The following BRD7 variants were observed in gnomAD, a reference collection of about 807,000 sequenced individuals.
BRD7 encodes bromodomain-containing protein 7.
BRD7 carries 15 observed loss-of-function variants against 82.1 expected under a neutral mutation model. The observed-to-expected ratio is 0.18, with a 90% confidence interval of 0.12 to 0.28. The LOEUF is 0.28. Among genes scored for constraint, BRD7 ranks in the 10% least tolerant of loss-of-function variants. The pLI is 1.00. For missense variants in BRD7, 638 were observed against 779.9 expected (o/e 0.82, Z 2.17); for synonymous variants, 232 against 266.9 (o/e 0.87, Z 1.27).
At chr16:50,346,183 G>T (rs1005642366) in intron 5 of BRD7, among the ~76,000 whole-genome samples, 5 of 152,190 alleles carry the variant, frequency 3.3e-5, no homozygotes, top group African/African-American at 1.2e-4. Context: ...GGTACATAAC[G>T]AAATGAAGGC....
intron 2 of BRD7, 147 bp from the exon 3 acceptor site, chr16:50,355,069 A>G: frequency 1.0e-6 from 1 of 981,288 alleles, no homozygotes; most frequent in Non-Finnish European, 1.5e-6. Flanking sequence ...ATCTACTGGA[A>G]AAGGAGAGAA....
chr16:50,360,349 T>C (rs1597096633), intron 2 of BRD7, among the ~76,000 whole-genome samples: 1 of 152,212 alleles, frequency 6.6e-6, no homozygotes, highest in Non-Finnish European at 1.5e-5. Flanking sequence ...GGAGGATATA[T>C]ACACATACAT....
chr16:50,346,745 T>C (rs951488155), intron 5 of BRD7, among the ~76,000 whole-genome samples: 1 of 152,096 alleles, frequency 6.6e-6, no homozygotes, highest in African/African-American at 2.4e-5. Context: ...AATAGACCAA[T>C]AAGAGGCTCT....
chr16:50,325,802 G>C lies in BRD7; in HGVS notation c.1277C>G (p.Ser426Cys), dbSNP rs1336257609. The C allele has an allele frequency of 2.5e-6, 4 of 1,611,834 alleles. No individual in the cohort carries two copies. The highest frequency in any genetic ancestry group is 3.4e-6 in the Non-Finnish European group (4 of 1,179,334). ...CCCATAGGTTGAATAGATTAAATCA[G>C]AATCATCCTTGCTGATATTTGCAAA... ...STFANISKDD[S>C]DLIYSTYGED... is the part of the protein sequence containing the mutation. Residue 426 changes from serine (S) to cysteine (C), a missense_variant, in exon 11 of 17, where the codon TCT becomes TGT. Around this residue, in one of 3 missense-constraint regions of BRD7, gnomAD observed 402 missense variants for 500.8 expected, o/e 0.80. Transcript: ENST00000394688.
chr16:50,356,159 A>G (rs1367863706), intron 2 of BRD7, among the ~76,000 whole-genome samples: 1 of 152,238 alleles, frequency 6.6e-6, no homozygotes, highest in African/African-American at 2.4e-5. Context: ...TCAAGTTTTG[A>G]TAAAAATGTA....
At chr16:50,325,658 C>T in intron 11 of BRD7, 90 bp downstream of exon 11, 1 of 1,248,130 alleles carries the variant, frequency 8.0e-7, no homozygotes, top group Admixed American at 2.9e-5. Context: ...TTTTTTACTA[C>T]TCGGCCAGCT....
chr16:50,318,250 A>AATT lies in BRD7; in HGVS notation c.*958_*960dup, dbSNP rs1205520698. The stretch of plus-strand genomic sequence containing the variant: ...CATAAGATTTTAAGTCTTTTGAGGG[A>AATT]ATTAATTTTCCTTTACCCTATTTGT... On this transcript the variant is annotated 3_prime_UTR_variant, in exon 17 of 17. Transcript: ENST00000394688. The AATT allele has an allele frequency of 2.0e-5, 3 of 152,194 alleles. No homozygotes were observed. Among genetic ancestry groups the AATT allele is most frequent in the African/African-American group, 7.2e-5 (3 of 41,438 alleles). 9.4% of individuals were successfully genotyped at this position (152,194 alleles called of 1,614,324 possible).
At chr16:50,367,129 T>C (rs2039177667) in intron 2 of BRD7, among the ~76,000 whole-genome samples, 1 of 152,176 alleles carries the variant, frequency 6.6e-6, no homozygotes, top group Non-Finnish European at 1.5e-5. Flanking sequence ...TAAGAAAAAT[T>C]ACATAACTAA....
intron 5 of BRD7, chr16:50,349,744 T>A: frequency 2.5e-6 from 1 of 396,116 alleles, no homozygotes; most frequent in South Asian, 2.2e-5. Context: ...AGCTAAAAAT[T>A]TCACTCTAAG....
At chr16:50,322,328 A>T (rs2037155656) in intron 12 of BRD7, among the ~76,000 whole-genome samples, 1 of 152,236 alleles carries the variant, frequency 6.6e-6, no homozygotes, top group Admixed American at 6.5e-5. Context: ...AATAAATGGT[A>T]TCTGTTTTTA....
intron 8 of BRD7, among the ~76,000 whole-genome samples, chr16:50,328,992 T>G (rs558382123): frequency 6.6e-6 from 1 of 152,198 alleles, no homozygotes; most frequent in African/African-American, 2.4e-5. Context: ...ACCCGTCACA[T>G]GAGGTCAGGT....
intron 1 of BRD7, 191 bp from the exon 2 acceptor site, chr16:50,368,489 C>T: frequency 1.3e-6 from 1 of 756,142 alleles, no homozygotes; most frequent in African/African-American, 1.8e-5. Context: ...CGCTCCCAGG[C>T]CTCCCGGGCC....
chr16:50,368,802 C>T lies in BRD7; in HGVS notation c.-28G>A, dbSNP rs2039263606. 1 of 1,513,682 alleles carries T rather than the reference C, an allele frequency of 6.6e-7. No homozygotes were observed. The highest frequency in any genetic ancestry group is 8.9e-7 in the Non-Finnish European group (1 of 1,128,998). 93.8% of individuals were successfully genotyped at this position (1,513,682 alleles called of 1,614,324 possible). A position where few individuals can be genotyped will look rare whatever the true frequency, so the allele number is the denominator to read the frequency against. ...CCGACCGGGCCCCGGTGCCCGCCCC[C>T]CGCGCCAGGCCCAGGCCGTGCGGCG... On this transcript the variant is annotated 5_prime_UTR_variant, in exon 1 of 17. Coordinates refer to ENST00000394688, the MANE Select transcript of BRD7 (RefSeq NM_013263.5).
chr16:50,354,393 C>A (rs1199526660), intron 4 of BRD7, 32 bp downstream of exon 4: 1 of 1,561,690 alleles, frequency 6.4e-7, no homozygotes. Flanking sequence ...ATTTTAATTT[C>A]TATGTTATAA....
Position 50,320,408 on chromosome 16 carries a change from C to T in BRD7, c.1613-17G>A, listed in dbSNP as rs560321519. ...TTTCAGCTTCTGTGTGGTAAGAAAA[C>T]AGACACACTTCTGTTTGATCTTGTG... On this transcript the variant is annotated splice_polypyrimidine_tract_variant and intron_variant, in intron 14 of 16. Coordinates refer to ENST00000394688, the MANE Select transcript of BRD7 (RefSeq NM_013263.5). 2 of 1,610,934 alleles carry T rather than the reference C, an allele frequency of 1.2e-6. No homozygotes were observed. Among genetic ancestry groups the T allele is most frequent in the African/African-American group, 2.7e-5 (2 of 74,806 alleles).
At chr16:50,345,151 T>G (rs1422512688) in intron 5 of BRD7, among the ~76,000 whole-genome samples, 2 of 152,230 alleles carry the variant, frequency 1.3e-5, no homozygotes, top group Non-Finnish European at 2.9e-5. Flanking sequence ...ACCCAGAATT[T>G]CATATCCAGC....
At chr16:50,364,721 G>A (rs2039072586) in intron 2 of BRD7, among the ~76,000 whole-genome samples, 1 of 152,208 alleles carries the variant, frequency 6.6e-6, no homozygotes, top group Non-Finnish European at 1.5e-5. Flanking sequence ...GTACAAAGAT[G>A]TGTGTACAAT....
chr16:50,351,765 G>A (rs1216435947), intron 4 of BRD7, among the ~76,000 whole-genome samples: 3 of 151,874 alleles, frequency 2.0e-5, no homozygotes, highest in African/African-American at 7.3e-5. Context: ...ATATTTAGAG[G>A]GTACAGTGTG....
Position 50,345,084 on chromosome 16 carries a change from A to G in BRD7, c.591+4939T>C, listed in dbSNP as rs1177228339. Among the ~76,000 whole-genome samples, 10 of 152,382 alleles carry G rather than the reference A, an allele frequency of 6.6e-5. No individual in the cohort carries two copies. The East Asian group carries it at 1.5e-3, about 23-fold the overall frequency. ...CAGCAGATCTCTCAGCAGAAACCCT[A>G]TAAGCCAGAAGAGAGTGGGAGCCAA... On this transcript the variant is annotated intron_variant, in intron 5 of 16. Coordinates refer to ENST00000394688, the MANE Select transcript of BRD7 (RefSeq NM_013263.5).
Sources: allele counts gnomAD v4.1 joint callset (sites outside exome capture counted in the v4.1 genomes callset), GRCh38; gene constraint gnomAD v4.1.1; regional missense constraint gnomAD v4.1.1; transcripts MANE v1.5; gene names NCBI Gene and HGNC (gene_info 2026-07-23, HGNC 2026-07-21).